DIP2B: variants seen among roughly 807,000 people sequenced by gnomAD.
DIP2B encodes the protein disco-interacting protein 2 homolog B.
A neutral mutation model predicts 198.0 loss-of-function variants in DIP2B; 76 were observed. The ratio of observed to expected loss-of-function variants is 0.38; its 90% CI spans 0.32 to 0.46. The LOEUF is 0.46. DIP2B is among the 20% of genes least tolerant of loss of function. DIP2B has a pLI of 0.99. For missense variants in DIP2B, 1,559 were observed against 1,978.4 expected (o/e 0.79, Z 4.02); for synonymous variants, 701 against 739.1 (o/e 0.95, Z 0.84).
Position 50,700,984 on chromosome 12 carries a change from T to C in DIP2B, c.2325+1782T>C, listed in dbSNP as rs181196928. Among the ~76,000 whole-genome samples the C allele has an allele frequency of 1.7e-3, 264 of 152,354 alleles. 2 individuals are homozygous for C. The highest frequency in any genetic ancestry group is 6.1e-3 in the African/African-American group (253 of 41,582). On this transcript the variant is annotated intron_variant, in intron 19 of 37. Coordinates refer to ENST00000301180, the MANE Select transcript of DIP2B (RefSeq NM_173602.3). ...ATCTTGGCCTCCCAAAGTGCAAAGA[T>C]TACAGGCATGAGCCGTTGCGCCTGT... is the stretch of plus-strand genomic sequence containing the variant.
At chr12:50,729,226 C>T (rs776355800) in intron 30 of DIP2B, among the ~76,000 whole-genome samples, 3 of 152,210 alleles carry the variant, frequency 2.0e-5, no homozygotes, top group Non-Finnish European at 4.4e-5. Context: ...TCAAGCTCAA[C>T]GTTCTCCTCC....
chr12:50,563,715 CA>C (rs1958539915), intron 1 of DIP2B, among the ~76,000 whole-genome samples: 1 of 151,712 alleles, frequency 6.6e-6, no homozygotes, highest in South Asian at 2.1e-4. Context: ...AGGCTGCTCT[CA>C]AACTCCTAGG....
At chr12:50,564,985 C>T (rs753007957) in intron 1 of DIP2B, among the ~76,000 whole-genome samples, 1 of 152,116 alleles carries the variant, frequency 6.6e-6, no homozygotes, top group Non-Finnish European at 1.5e-5. Flanking sequence ...TTTTCCTAAC[C>T]ACATGAACTA....
chr12:50,526,626 CTTTTTTTTT>C (rs11423846), intron 1 of DIP2B, among the ~76,000 whole-genome samples: 186 of 64,192 alleles, frequency 2.9e-3, no homozygotes, highest in African/African-American at 0.012. Flanking sequence ...TTTCCTCTGC[CTTTTTTTTT>C]TTTTTTTTTT....
chr12:50,668,440 G>A (rs761615450), intron 4 of DIP2B, among the ~76,000 whole-genome samples: 5 of 152,086 alleles, frequency 3.3e-5, no homozygotes, highest in South Asian at 2.1e-4. Context: ...TTTCCACTAC[G>A]CTAAGCTGCC....
chr12:50,725,290 A>G (rs892388383), intron 28 of DIP2B, among the ~76,000 whole-genome samples: 2 of 152,124 alleles, frequency 1.3e-5, no homozygotes, highest in Admixed American at 6.5e-5. Flanking sequence ...TTCATTACCT[A>G]CTGCTTGTGT....
rs1013044843 is a variant in DIP2B, at chr12:50,716,938, C to G, written c.2852-1771C>G. On this transcript the variant is annotated intron_variant, in intron 23 of 37. Transcript: ENST00000301180. The stretch of plus-strand genomic sequence containing the variant: ...AGTGAGGAACACCCATGTAGCCTAT[C>G]CTAGATTTACGAATTGTTGCTTTTT... Among the ~76,000 whole-genome samples, 3 of 112,990 alleles carry G rather than the reference C, an allele frequency of 2.7e-5. No individual in the cohort carries two copies. The East Asian group carries it at 9.8e-4, about 37-fold the overall frequency. The allele number at this position is 112,990 out of a possible 152,430, so 74.1% of individuals were successfully genotyped here.
At chr12:50,580,582 C>T (rs1448188846) in intron 1 of DIP2B, among the ~76,000 whole-genome samples, 1 of 134,560 alleles carries the variant, frequency 7.4e-6, no homozygotes, top group African/African-American at 2.7e-5. Flanking sequence ...GTTGCCCAGA[C>T]TAGAGTGTAG....
intron 1 of DIP2B, among the ~76,000 whole-genome samples, chr12:50,580,935 C>T (rs1390659181): frequency 2.0e-5 from 3 of 149,298 alleles, no homozygotes; most frequent in Non-Finnish European, 4.4e-5. Flanking sequence ...AGGACCGACC[C>T]GGCTTTAGTC....
chr12:50,549,529 CA>C (rs1395406136), intron 1 of DIP2B, among the ~76,000 whole-genome samples: 2 of 147,600 alleles, frequency 1.4e-5, no homozygotes, highest in Non-Finnish European at 1.5e-5. Context: ...ACTCTTGTCT[CA>C]AAAAAAATAA....
At chr12:50,508,304 A>G (rs1429488348) in intron 1 of DIP2B, among the ~76,000 whole-genome samples, 2 of 152,214 alleles carry the variant, frequency 1.3e-5, no homozygotes, top group African/African-American at 4.8e-5. Flanking sequence ...GAAATTTTTA[A>G]TGATCCACAT....
intron 13 of DIP2B, among the ~76,000 whole-genome samples, chr12:50,692,590 C>T (rs1408413641): frequency 6.6e-6 from 1 of 152,128 alleles, no homozygotes; most frequent in Non-Finnish European, 1.5e-5. Flanking sequence ...GTAATCCCAG[C>T]ACATTGGGAG....
chr12:50,508,063 T>C (rs1008543270), intron 1 of DIP2B, among the ~76,000 whole-genome samples: 2 of 152,152 alleles, frequency 1.3e-5, no homozygotes, highest in African/African-American at 4.8e-5. Flanking sequence ...GAAATGCAGG[T>C]TTGTGCCTGC....
intron 1 of DIP2B, among the ~76,000 whole-genome samples, chr12:50,548,196 T>C (rs1302152808): frequency 6.6e-6 from 1 of 152,204 alleles, no homozygotes; most frequent in Non-Finnish European, 1.5e-5. Context: ...TACTTCTTAT[T>C]AGGTATACTT....
intron 2 of DIP2B, among the ~76,000 whole-genome samples, chr12:50,632,116 C>G (rs11169510): frequency 6.6e-6 from 1 of 152,164 alleles, no homozygotes; most frequent in Non-Finnish European, 1.5e-5. Flanking sequence ...CAGGTGTGGG[C>G]TACCACACCC....
intron 4 of DIP2B, among the ~76,000 whole-genome samples, chr12:50,669,492 T>G (rs1938812408): frequency 6.6e-6 from 1 of 152,226 alleles, no homozygotes; most frequent in African/African-American, 2.4e-5. Context: ...ATGCTATCTC[T>G]GCTCACTGCA....
intron 1 of DIP2B, among the ~76,000 whole-genome samples, chr12:50,589,370 T>A (rs1260697335): frequency 6.6e-6 from 1 of 151,676 alleles, no homozygotes; most frequent in Admixed American, 6.6e-5. Flanking sequence ...AATTTTGTTC[T>A]ATTTTTAGTA....
chr12:50,516,235 CTCTCTCTCTCTATCTCTA>C (rs1565809485), intron 1 of DIP2B, among the ~76,000 whole-genome samples: 2 of 147,928 alleles, frequency 1.4e-5, no homozygotes, highest in African/African-American at 5.2e-5. Flanking sequence ...CTCTCTCTCT[CTCTCTCTCTCTATCTCTA>C]TCTCTATCTC....
intron 1 of DIP2B, among the ~76,000 whole-genome samples, chr12:50,565,070 C>A (rs1290768665): frequency 6.6e-6 from 1 of 151,998 alleles, no homozygotes; most frequent in Non-Finnish European, 1.5e-5. Flanking sequence ...GTGGTGCACT[C>A]ACAGCTCACT....
Sources: allele counts gnomAD v4.1 joint callset (sites outside exome capture counted in the v4.1 genomes callset), GRCh38; gene constraint gnomAD v4.1.1; transcripts MANE v1.5; gene names NCBI Gene and HGNC (gene_info 2026-07-23, HGNC 2026-07-21).